The following HACL1 variants were observed in gnomAD, a reference collection of about 807,000 sequenced individuals.
The protein encoded by HACL1 is 1600020H07Rik.
HACL1 carries 64 observed loss-of-function variants against 74.2 expected under a neutral mutation model. The observed-to-expected ratio is 0.86, with a 90% CI of 0.70 to 1.06. The LOEUF (loss-of-function observed/expected upper bound fraction) is 1.06, where lower values mean the gene tolerates loss of function less well. Ranked by LOEUF, HACL1 falls within the 50% of genes least tolerant of loss-of-function variation. The pLI, the probability that HACL1 is intolerant of heterozygous loss-of-function variation, is 0.00. For synonymous variants in HACL1, 230 were observed against 238.8 expected, an observed-to-expected ratio of 0.96 and a Z score of 0.34; for missense variants, 728 against 719.7, an observed-to-expected ratio of 1.01 and a Z score of -0.13.
intron 3 of HACL1, among the ~76,000 whole-genome samples, chr3:15,593,724 G>C (rs530911837): frequency 6.7e-6 from 1 of 148,934 alleles, no homozygotes; most frequent in Non-Finnish European, 1.5e-5. Flanking sequence ...ATATAACGTC[G>C]ACTGATCTTT....
intron 7 of HACL1, 50 bp downstream of exon 7, chr3:15,585,198 T>G (rs755944930): frequency 1.1e-6 from 1 of 885,534 alleles, no homozygotes. Context: ...GTAGGCATTA[T>G]GATAATACAT....
Position 15,573,273 on chromosome 3 carries a change from C to A in HACL1, c.910-31G>T, listed in dbSNP as rs1413956973. On this transcript the variant is annotated intron_variant, in intron 10 of 16. Coordinates refer to ENST00000321169, the MANE Select transcript of HACL1 (RefSeq NM_012260.4). ...AAAGAGACAAGGCTAAAGAACAACC[C>A]ATGTTTATTCTGAAAAATATGTAAG... The A allele has an allele frequency of 3.1e-6, 4 of 1,304,018 alleles. No individual in the cohort carries two copies. The East Asian group carries it at 6.9e-5, about 23-fold the overall frequency. The allele number at this position is 1,304,018 out of a possible 1,614,324, so 80.8% of individuals were successfully genotyped here.
At chr3:15,586,494 G>A (rs1267745939) in intron 6 of HACL1, 31 bp downstream of exon 6, 1 of 1,191,378 alleles carries the variant, frequency 8.4e-7, no homozygotes, top group East Asian at 2.4e-5. Context: ...AAAATCAGTT[G>A]ACTTGGAGAG....
chr3:15,588,829 T>C (rs955179016), intron 5 of HACL1, among the ~76,000 whole-genome samples: 8 of 151,710 alleles, frequency 5.3e-5, no homozygotes, highest in African/African-American at 1.9e-4. Context: ...CTTTCCTCCT[T>C]CTAAAATAAA....
intron 2 of HACL1, among the ~76,000 whole-genome samples, chr3:15,600,164 G>C (rs917279111): frequency 6.6e-6 from 1 of 150,426 alleles, no homozygotes; most frequent in African/African-American, 2.5e-5. Flanking sequence ...CCACGTGAAA[G>C]CACAAACCAA....
chr3:15,572,174 C>A (rs954355813), intron 11 of HACL1, among the ~76,000 whole-genome samples: 1 of 152,036 alleles, frequency 6.6e-6, no homozygotes, highest in Non-Finnish European at 1.5e-5. Context: ...CATATTAACA[C>A]GGAAGTATCT....
At chr3:15,573,713 A>T (rs186682664) in intron 10 of HACL1, among the ~76,000 whole-genome samples, 7 of 152,192 alleles carry the variant, frequency 4.6e-5, no homozygotes, top group Admixed American at 2.0e-4. Context: ...AGAAATGTGC[A>T]TTTCTAACAG....
At chr3:15,573,053 G>A (rs1365102191) in intron 11 of HACL1, 106 bp downstream of exon 11, 1 of 691,616 alleles carries the variant, frequency 1.4e-6, no homozygotes, top group African/African-American at 1.8e-5. Flanking sequence ...GTTTAAAACA[G>A]ATATGAATAG....
At position 15,596,402 on chromosome 3, in the gene HACL1, A is replaced by T. The variant is rs1033550864; in HGVS notation, c.209T>A (p.Ile70Asn). ...AGTTTACCTGCTTGTCAGATATCCA[A>T]TCGCGGAGGCAGCATAACAAGCCTA... ...EQAACYAASA[I>N]GYLTSRPGVC... Residue 70 changes from isoleucine (I) to asparagine (N), a missense_variant, in exon 3 of 17, where the codon ATT (isoleucine) becomes AAT (asparagine). Coordinates refer to ENST00000321169, the MANE Select transcript of HACL1 (RefSeq NM_012260.4). The T allele has an allele frequency of 8.1e-6, 13 of 1,597,436 alleles. No individual in the cohort carries two copies. The highest frequency in any genetic ancestry group is 1.7e-5 in the Admixed American group (1 of 59,988).
chr3:15,579,902 C>G lies in HACL1; in HGVS notation c.803+8G>C. The stretch of plus-strand genomic sequence containing the variant: ...GCCATTGTATTTAAAATCTGGAATG[C>G]CACACACCTGGATCTGGCTGCACCT... On this transcript the variant is annotated splice_region_variant and intron_variant, in intron 9 of 16. Transcript: ENST00000321169. 1.3e-6 allele frequency: 2 copies of G among 1,562,448 alleles called. No individual in the cohort carries two copies. Among genetic ancestry groups the G allele is most frequent in the Non-Finnish European group, 1.7e-6 (2 of 1,155,152 alleles).
chr3:15,594,053 C>A (rs2064011904), intron 3 of HACL1, among the ~76,000 whole-genome samples: 1 of 152,154 alleles, frequency 6.6e-6, no homozygotes, highest in Non-Finnish European at 1.5e-5. Context: ...CCCGCCTCGG[C>A]CTCCCAAAGT....
intron 5 of HACL1, among the ~76,000 whole-genome samples, chr3:15,587,738 T>C (rs748376139): frequency 2.0e-5 from 3 of 152,218 alleles, no homozygotes; most frequent in Non-Finnish European, 4.4e-5. Context: ...ATTAACTAAA[T>C]AAAACTTCGA....
Position 15,568,489 on chromosome 3 carries a change from C to T in HACL1, c.1193G>A (p.Gly398Glu). ...CCGTCCAATGTCCATAGTATTTGCT[C>T]CTTCACTTACCACGAAACAGTCTCT... is the stretch of plus-strand genomic sequence containing the variant. Reference protein sequence around the residue: ...LPRDCFVVSEGANTMDIGRTV... With the variant: ...LPRDCFVVSEEANTMDIGRTV... Residue 398 changes from glycine to glutamate, a missense_variant, in exon 13 of 17, where the codon GGA (glycine) becomes GAA (glutamate). Coordinates refer to ENST00000321169, the MANE Select transcript of HACL1 (RefSeq NM_012260.4). 6.2e-7 allele frequency: 1 copy of T among 1,604,080 alleles called. No individual in the cohort carries two copies. Among genetic ancestry groups the T allele is most frequent in the Non-Finnish European group, 8.5e-7 (1 of 1,171,014 alleles).
chr3:15,574,490 G>A (rs1264615556), intron 10 of HACL1, among the ~76,000 whole-genome samples: 2 of 152,176 alleles, frequency 1.3e-5, no homozygotes, highest in East Asian at 3.8e-4. Context: ...TATAAGGTGG[G>A]TCATAATGAT....
At chr3:15,591,754 T>C (rs2125277812) in intron 3 of HACL1, 74 bp from the exon 4 acceptor site, 3 of 895,644 alleles carry the variant, frequency 3.3e-6, no homozygotes, top group African/African-American at 1.7e-5. Context: ...GTGTGAAACA[T>C]GGCAATCTTG....
rs1270838915 is a variant in HACL1 at position 15,601,109 on chromosome 3, C to G, written c.167G>C (p.Gly56Ala). The change falls in exon 2 of 17, where the codon GGG becomes GCG. Residue 56 changes from glycine to alanine, a missense_variant. Gly to Ala is a moderately conservative substitution (Grantham distance 60, BLOSUM62 0). Coordinates refer to ENST00000321169, the MANE Select transcript of HACL1 (RefSeq NM_012260.4). ...AAQQLGIKYI[G>A]MRNEQAACYA... The stretch of plus-strand genomic sequence containing the variant: ...ACTCACCGCTTGCTCATTCCTCATC[C>G]CGATGTACTTGATGCCTAGCTGCTG... 5 of 1,612,420 alleles carry G rather than the reference C, an allele frequency of 3.1e-6. No homozygotes were observed. The highest frequency in any genetic ancestry group is 4.2e-6 in the Non-Finnish European group (5 of 1,178,518).
At chr3:15,583,129 AT>A in intron 7 of HACL1, 140 bp from the exon 8 acceptor site, 1 of 542,824 alleles carries the variant, frequency 1.8e-6, no homozygotes, top group Non-Finnish European at 3.3e-6. Flanking sequence ...ACTTAATATC[AT>A]TTTACCACAT....
intron 3 of HACL1, among the ~76,000 whole-genome samples, chr3:15,593,652 T>C (rs544615626): frequency 1.1e-4 from 16 of 152,298 alleles, no homozygotes; most frequent in African/African-American, 3.8e-4. Context: ...AGAAGCAAAT[T>C]TTTGACTGCT....
chr3:15,575,619 T>C (rs912044699), intron 9 of HACL1, among the ~76,000 whole-genome samples: 1 of 152,146 alleles, frequency 6.6e-6, no homozygotes, highest in African/African-American at 2.4e-5. Context: ...CATGGCTCAC[T>C]GCATCCTCTC....
Sources: gnomAD v4.1 joint callset for allele counts (sites outside exome capture counted in the v4.1 genomes callset) on GRCh38, gnomAD v4.1.1 for gene constraint, MANE v1.5 for transcripts, NCBI Gene and HGNC (gene_info 2026-07-23, HGNC 2026-07-21) for gene names.